The following HTR2C variants were observed in gnomAD, a reference collection of about 807,000 sequenced individuals.
HTR2C encodes the protein 5-hydroxytryptamine receptor 2C.
HTR2C carries 5 observed loss-of-function variants against 21.0 expected under a neutral mutation model. That is an observed-to-expected ratio of 0.24 (90% CI 0.12 to 0.50). The LOEUF is 0.50. Among genes scored for constraint, HTR2C ranks in the 20% least tolerant of loss-of-function variants. The pLI is 0.98. For missense variants in HTR2C, 271 were observed against 371.2 expected (o/e 0.73, Z 2.22); for synonymous variants, 150 against 145.3 (o/e 1.03, Z -0.23).
At chrX:114,730,751 C>A (rs1195841282) in intron 3 of HTR2C, among the ~76,000 whole-genome samples, 1 of 111,471 alleles carries the variant, frequency 9.0e-6, no homozygotes, top group Non-Finnish European at 1.9e-5. Flanking sequence ...CCCCTTCATT[C>A]TGTTATCAGC....
chrX:114,798,839 G>A (rs1015691576), intron 4 of HTR2C, among the ~76,000 whole-genome samples: 50 of 111,067 alleles, frequency 4.5e-4, no homozygotes, highest in Non-Finnish European at 7.2e-4. Context: ...TACCTTATAT[G>A]TCTAAATCCT....
At chrX:114,601,258 C>T (rs1352178185) in intron 1 of HTR2C, among the ~76,000 whole-genome samples, 1 of 110,708 alleles carries the variant, frequency 9.0e-6, no homozygotes, top group African/African-American at 3.3e-5. Context: ...CAGAATTGCC[C>T]CAGATAACTT....
At chrX:114,594,813 T>A (rs1399076194) in intron 1 of HTR2C, among the ~76,000 whole-genome samples, 1 of 111,399 alleles carries the variant, frequency 9.0e-6, no homozygotes, top group African/African-American at 3.3e-5. Context: ...ATTTTTAAAA[T>A]TTTCTTCATT....
At chrX:114,713,825 T>C (rs1294838397) in intron 2 of HTR2C, among the ~76,000 whole-genome samples, 1 of 111,198 alleles carries the variant, frequency 9.0e-6, no homozygotes, top group African/African-American at 3.3e-5. Flanking sequence ...CACCTTTCTT[T>C]TCATTCCTCA....
At chrX:114,774,221 G>A (rs2070033782) in intron 4 of HTR2C, among the ~76,000 whole-genome samples, 1 of 111,594 alleles carries the variant, frequency 9.0e-6, no homozygotes, top group African/African-American at 3.3e-5. Context: ...TGAACAACAT[G>A]AGGTTATGTG....
chrX:114,599,361 C>A (rs1248656403), intron 1 of HTR2C, among the ~76,000 whole-genome samples: 1 of 111,654 alleles, frequency 9.0e-6, no homozygotes, highest in African/African-American at 3.2e-5. Flanking sequence ...TTTATGATAG[C>A]CTTTATTTCT....
At chrX:114,639,613 G>A (rs1314166884) in intron 2 of HTR2C, 1 of 112,736 alleles carries the variant, frequency 8.9e-6, no homozygotes, top group African/African-American at 3.3e-5. Flanking sequence ...AACTCCTCAA[G>A]GTAGAACACA....
At chrX:114,691,875 T>C (rs1236308941) in intron 2 of HTR2C, among the ~76,000 whole-genome samples, 6 of 112,043 alleles carry the variant, frequency 5.4e-5, no homozygotes, top group African/African-American at 1.9e-4. Flanking sequence ...ACTACTAGCT[T>C]GGAATTTTTG....
chrX:114,644,962 G>C (rs1556407268), intron 2 of HTR2C, among the ~76,000 whole-genome samples: 2 of 110,706 alleles, frequency 1.8e-5, no homozygotes, highest in African/African-American at 6.6e-5. Context: ...TCACCAAAGT[G>C]CATTCTCTAT....
chrX:114,689,529 T>TA lies in HTR2C; in HGVS notation c.-79-37328dup, dbSNP rs1251885312. On this transcript the variant is annotated intron_variant, in intron 2 of 5. Coordinates refer to ENST00000276198, the MANE Select transcript of HTR2C (RefSeq NM_000868.4). ...TCCACACCAACATCTATTTTTTTTT[T>TA]ATGTTTTAACTCTGACCATTCTTAC... is the stretch of plus-strand genomic sequence containing the variant. Among the ~76,000 whole-genome samples, 4 of 110,253 alleles carry TA rather than the reference T, an allele frequency of 3.6e-5. No homozygotes were observed. The East Asian group carries it at 1.1e-3, about 32-fold the overall frequency.
chrX:114,752,732 A>G (rs1020367462), intron 4 of HTR2C, among the ~76,000 whole-genome samples: 3 of 110,617 alleles, frequency 2.7e-5, no homozygotes, highest in Non-Finnish European at 5.7e-5. Flanking sequence ...AGATGTTCCC[A>G]TCCTCTGTTA....
intron 4 of HTR2C, among the ~76,000 whole-genome samples, chrX:114,816,955 AT>A (rs1239198454): frequency 1.8e-5 from 2 of 110,313 alleles, no homozygotes; most frequent in African/African-American, 6.5e-5. Flanking sequence ...TTAAAAAAAA[AT>A]AGATGATTAC....
intron 1 of HTR2C, among the ~76,000 whole-genome samples, chrX:114,607,401 A>G (rs1461913934): frequency 2.7e-5 from 3 of 111,970 alleles, no homozygotes; most frequent in Admixed American, 9.5e-5. Context: ...ACTAGGACCT[A>G]TGGTACAACG....
Position 114,684,577 on chromosome X carries a change from T to A in HTR2C, c.-79-42281T>A, listed in dbSNP as rs782170234. 5.4e-5 allele frequency among the ~76,000 whole-genome samples: 6 copies of A among 111,689 alleles called. No individual in the cohort carries two copies. The South Asian group carries it at 2.2e-3, about 41-fold the overall frequency. The stretch of plus-strand genomic sequence containing the variant: ...TAGTAGTTACCCTGGTTCTCTTGAC[T>A]ATTTCTTGAAAGGGGGAGATATTTT... On this transcript the variant is annotated intron_variant, in intron 2 of 5. Coordinates refer to ENST00000276198, the MANE Select transcript of HTR2C (RefSeq NM_000868.4).
At chrX:114,750,545 A>G (rs1182485550) in intron 4 of HTR2C, among the ~76,000 whole-genome samples, 1 of 112,339 alleles carries the variant, frequency 8.9e-6, no homozygotes, top group East Asian at 2.8e-4. Flanking sequence ...AACAGTTGTT[A>G]TTCCTTACGT....
At chrX:114,764,012 A>G (rs1556433423) in intron 4 of HTR2C, among the ~76,000 whole-genome samples, 1 of 111,983 alleles carries the variant, frequency 8.9e-6, no homozygotes, top group African/African-American at 3.2e-5. Context: ...ATGTGGAAGA[A>G]TACAGTCCAG....
intron 4 of HTR2C, among the ~76,000 whole-genome samples, chrX:114,799,778 A>G (rs1469736972): frequency 9.0e-6 from 1 of 110,874 alleles, no homozygotes; most frequent in East Asian, 2.8e-4. Flanking sequence ...AAGGAATCAT[A>G]TAATTATAAT....
chrX:114,903,980 A>G (rs2147538945), intron 5 of HTR2C, among the ~76,000 whole-genome samples: 1 of 111,859 alleles, frequency 8.9e-6, no homozygotes, highest in Non-Finnish European at 1.9e-5. Context: ...AAGGTATAAC[A>G]GAGTTTCCTA....
chrX:114,729,596 G>C (rs1331023879), intron 3 of HTR2C, among the ~76,000 whole-genome samples: 2 of 111,668 alleles, frequency 1.8e-5, no homozygotes, highest in Non-Finnish European at 3.8e-5. Context: ...TTGGAATCCT[G>C]TATTATTTTT....
Sources: gnomAD v4.1 joint callset for allele counts (sites outside exome capture counted in the v4.1 genomes callset) on GRCh38, gnomAD v4.1.1 for gene constraint, MANE v1.5 for transcripts, NCBI Gene and HGNC (gene_info 2026-07-23, HGNC 2026-07-21) for gene names.